NPFFR2: variants seen among roughly 807,000 people sequenced by gnomAD.
NPFFR2 encodes G-protein coupled receptor 74.
Under a neutral mutation model 13.1 loss-of-function variants are expected in NPFFR2, and 15 were observed. The ratio of observed to expected loss-of-function variants is 1.15; its 90% CI spans 0.77 to 1.76. The LOEUF (loss-of-function observed/expected upper bound fraction) is 1.76. Among genes scored for constraint, NPFFR2 ranks in the 40% most tolerant of loss-of-function variants. The pLI, the probability that NPFFR2 is intolerant of heterozygous loss-of-function variation, is 0.00. For synonymous variants in NPFFR2, 190 were observed against 175.7 expected, an observed-to-expected ratio of 1.08 and a Z score of -0.65; for missense variants, 572 against 503.5, an observed-to-expected ratio of 1.14 and a Z score of -1.30.
rs190343642 is a variant in NPFFR2 at position 72,054,246 on chromosome 4, T to C, written c.-8+22046T>C. Among the ~76,000 whole-genome samples, 856 of 152,110 alleles carry C rather than the reference T, an allele frequency of 5.6e-3. 5 individuals carry two copies. Among genetic ancestry groups the C allele is most frequent in the African/African-American group, 0.02 (823 of 41,548 alleles). On this transcript the variant is annotated intron_variant, in intron 1 of 3. Transcript: ENST00000308744. ...CTTGGTTTACAGATTTGCTGTAAAC[T>C]ACAGTAATTGAGACAGTGTTGTTGG... is the stretch of plus-strand genomic sequence containing the variant.
Position 72,050,791 on chromosome 4 carries a change from G to A in NPFFR2, c.-8+18591G>A, listed in dbSNP as rs564722759. Reference sequence around the variant, plus strand: ...CCCCCACCCCACAACAGTCCCCAGAGTGTGATGTTCCCCTTCCTGTGTCCA... The same window carrying A: ...CCCCCACCCCACAACAGTCCCCAGAATGTGATGTTCCCCTTCCTGTGTCCA... On this transcript the variant is annotated intron_variant, in intron 1 of 3. Transcript: ENST00000308744. Among the ~76,000 whole-genome samples, 761 of 141,244 alleles carry A rather than the reference G, an allele frequency of 5.4e-3. 5 individuals are homozygous for A. Among genetic ancestry groups the A allele is most frequent in the African/African-American group, 0.019 (732 of 37,658 alleles). 92.7% of individuals were successfully genotyped at this position (141,244 alleles called of 152,430 possible).
At chr4:72,051,311 A>C (rs1321265749) in intron 1 of NPFFR2, among the ~76,000 whole-genome samples, 1 of 152,150 alleles carries the variant, frequency 6.6e-6, no homozygotes, top group East Asian at 1.9e-4. Context: ...ACCACAGTGC[A>C]ATCAAACTAG....
At chr4:72,064,330 A>G (rs985975886) in intron 1 of NPFFR2, among the ~76,000 whole-genome samples, 7 of 152,294 alleles carry the variant, frequency 4.6e-5, no homozygotes, top group African/African-American at 1.7e-4. Flanking sequence ...ATCCACTTCC[A>G]TGCTCACTGG....
chr4:72,067,163 G>A (rs909223136), intron 1 of NPFFR2, among the ~76,000 whole-genome samples: 1 of 152,218 alleles, frequency 6.6e-6, no homozygotes, highest in African/African-American at 2.4e-5. Flanking sequence ...TTAGCATCGT[G>A]TGGATGGATT....
intron 1 of NPFFR2, among the ~76,000 whole-genome samples, chr4:72,063,613 A>C (rs1719985481): frequency 1.3e-5 from 2 of 152,184 alleles, no homozygotes. Context: ...AGTTGGCATA[A>C]ATAAAAATAA....
intron 1 of NPFFR2, among the ~76,000 whole-genome samples, chr4:72,056,078 T>C (rs1435803622): frequency 2.0e-5 from 3 of 152,032 alleles, no homozygotes; most frequent in Non-Finnish European, 2.9e-5. Flanking sequence ...TGAAAGTGGC[T>C]ACACTAAGTA....
rs551123838 is a variant in NPFFR2, at chr4:72,054,041, G to T, written c.-8+21841G>T. Among the ~76,000 whole-genome samples the T allele has an allele frequency of 9.9e-4, 150 of 151,884 alleles. 1 individual carries two copies. The highest frequency in any genetic ancestry group is 3.5e-3 in the African/African-American group (146 of 41,476). On this transcript the variant is annotated intron_variant, in intron 1 of 3. Transcript: ENST00000308744. The stretch of plus-strand genomic sequence containing the variant: ...TATTAAGATTTTGATTCTCAAAATT[G>T]ATCTATAGATTCAGTTGATCTATAG...
intron 2 of NPFFR2, among the ~76,000 whole-genome samples, chr4:72,135,679 A>G (rs865936902): frequency 3.3e-5 from 5 of 151,126 alleles, no homozygotes; most frequent in South Asian, 2.1e-4. Flanking sequence ...TCTGTTTTCT[A>G]TTTTTCATAT....
chr4:72,102,208 G>C (rs1013813279), intron 1 of NPFFR2, among the ~76,000 whole-genome samples: 2 of 152,090 alleles, frequency 1.3e-5, no homozygotes, highest in South Asian at 4.2e-4. Flanking sequence ...AAGATTACGA[G>C]ATCAATTGGG....
At chr4:72,071,383 G>A (rs1454317385) in intron 1 of NPFFR2, among the ~76,000 whole-genome samples, 2 of 151,640 alleles carry the variant, frequency 1.3e-5, no homozygotes, top group Non-Finnish European at 2.9e-5. Context: ...TTTGTGAGGA[G>A]CGTGTATGAC....
At chr4:72,088,083 C>CGA (rs908887818) in intron 1 of NPFFR2, among the ~76,000 whole-genome samples, 14 of 151,676 alleles carry the variant, frequency 9.2e-5, no homozygotes, top group East Asian at 1.9e-4. Context: ...CCTCAAATTC[C>CGA]GAGAGAGAGA....
chr4:72,086,334 T>TA (rs1334903598), intron 1 of NPFFR2, among the ~76,000 whole-genome samples: 1 of 152,106 alleles, frequency 6.6e-6, no homozygotes, highest in Non-Finnish European at 1.5e-5. Flanking sequence ...GCAGTCATCT[T>TA]ACGTAGATAG....
At chr4:72,124,457 G>T (rs1013222164) in intron 1 of NPFFR2, among the ~76,000 whole-genome samples, 2 of 152,078 alleles carry the variant, frequency 1.3e-5, no homozygotes. Flanking sequence ...TAAGCAAAAA[G>T]AACAAAGCTG....
intron 1 of NPFFR2, among the ~76,000 whole-genome samples, chr4:72,123,802 A>T (rs1721961371): frequency 6.6e-6 from 1 of 152,222 alleles, no homozygotes; most frequent in African/African-American, 2.4e-5. Flanking sequence ...TCCACAGCAA[A>T]TATCATACTG....
chr4:72,106,558 A>C (rs978217614), intron 1 of NPFFR2, among the ~76,000 whole-genome samples: 1 of 151,986 alleles, frequency 6.6e-6, no homozygotes. Context: ...GGTCAGCTTA[A>C]AACTCTGTCC....
intron 1 of NPFFR2, among the ~76,000 whole-genome samples, chr4:72,116,243 CTAGAT>C (rs1268575259): frequency 6.6e-6 from 1 of 152,034 alleles, no homozygotes; most frequent in Non-Finnish European, 1.5e-5. Flanking sequence ...GTTTATTTCA[CTAGAT>C]TATATTTGAA....
intron 1 of NPFFR2, among the ~76,000 whole-genome samples, chr4:72,125,272 AAAC>A (rs1722006675): frequency 6.6e-6 from 1 of 152,212 alleles, no homozygotes; most frequent in Non-Finnish European, 1.5e-5. Flanking sequence ...AAAAGTCAGG[AAAC>A]AACAGATGCT....
At chr4:72,117,380 A>G (rs1721743750) in intron 1 of NPFFR2, among the ~76,000 whole-genome samples, 1 of 152,142 alleles carries the variant, frequency 6.6e-6, no homozygotes. Flanking sequence ...TACATGTTTA[A>G]TAATCAATTT....
At chr4:72,133,593 T>G (rs566006418) in intron 2 of NPFFR2, among the ~76,000 whole-genome samples, 60 of 152,362 alleles carry the variant, frequency 3.9e-4, no homozygotes, top group African/African-American at 1.4e-3. Flanking sequence ...TAAATTGCTT[T>G]GGGCAGTATG....
Sources: gnomAD v4.1 joint callset for allele counts (sites outside exome capture counted in the v4.1 genomes callset) on GRCh38, gnomAD v4.1.1 for gene constraint, MANE v1.5 for transcripts, NCBI Gene and HGNC (gene_info 2026-07-23, HGNC 2026-07-21) for gene names.